FAAH2: variants seen among roughly 807,000 people sequenced by gnomAD.
The protein encoded by FAAH2 is fatty-acid amide hydrolase 2.
A neutral mutation model predicts 36.9 loss-of-function variants in FAAH2; 60 were observed. The observed-to-expected ratio is 1.63, with a 90% confidence interval of 1.32 to 2.02. FAAH2 has a LOEUF of 2.02. Ranked by LOEUF, FAAH2 falls within the 30% of genes most tolerant of loss-of-function variation. FAAH2 has a pLI of 0.00. For missense variants in FAAH2, 689 were observed against 397.5 expected, an observed-to-expected ratio of 1.73 and a Z score of -6.23; for synonymous variants, 214 against 143.8, an observed-to-expected ratio of 1.49 and a Z score of -3.49.
intron 7 of FAAH2, among the ~76,000 whole-genome samples, chrX:57,417,208 C>A (rs1276377469): frequency 8.9e-6 from 1 of 111,754 alleles, no homozygotes; most frequent in East Asian, 2.8e-4. Flanking sequence ...TATTAACCAC[C>A]TTCTGAAGCC....
At chrX:57,239,197 A>T in the FAAH2 span, among the ~76,000 whole-genome samples, 1 of 111,324 alleles carries the variant, frequency 9.0e-6, no homozygotes, top group Non-Finnish European at 1.9e-5. Context: ...TAGAATTCGG[A>T]TGTGAATCCA....
At chrX:57,487,039 G>A (rs1246818320) in intron 10 of FAAH2, among the ~76,000 whole-genome samples, 1 of 111,442 alleles carries the variant, frequency 9.0e-6, no homozygotes, top group African/African-American at 3.3e-5. Flanking sequence ...AGAATTAATA[G>A]TCTTTTCATC....
intron 2 of FAAH2, among the ~76,000 whole-genome samples, chrX:57,293,411 G>A (rs771429633): frequency 2.7e-5 from 3 of 111,914 alleles, no homozygotes; most frequent in African/African-American, 9.7e-5. Context: ...AAATGGATTT[G>A]TATCATAATA....
At chrX:57,391,031 T>C (rs199546325) in intron 7 of FAAH2, among the ~76,000 whole-genome samples, 1 of 111,850 alleles carries the variant, frequency 8.9e-6, no homozygotes, top group Non-Finnish European at 1.9e-5. Context: ...TGGTGTAAGA[T>C]GGTATCTCAT....
chrX:57,485,762 T>C (rs757456862), intron 10 of FAAH2, among the ~76,000 whole-genome samples: 43 of 112,392 alleles, frequency 3.8e-4, no homozygotes, highest in African/African-American at 1.3e-3. Context: ...TAGAGGTTTA[T>C]TAGTTTATTT....
At chrX:57,265,842 T>C in the FAAH2 span, among the ~76,000 whole-genome samples, 8 of 111,791 alleles carry the variant, frequency 7.2e-5, no homozygotes, top group South Asian at 3.1e-3. Flanking sequence ...TATGAAAAAG[T>C]GGCCATACTG....
chrX:57,279,370 C>A, the FAAH2 span, among the ~76,000 whole-genome samples: 1 of 112,183 alleles, frequency 8.9e-6, no homozygotes, highest in Non-Finnish European at 1.9e-5. Context: ...CCAAACACTG[C>A]GTGTTCTCAC....
the FAAH2 span, among the ~76,000 whole-genome samples, chrX:57,147,461 A>C: frequency 9.0e-6 from 1 of 111,468 alleles, no homozygotes; most frequent in Non-Finnish European, 1.9e-5. Flanking sequence ...TTCTGGGTTA[A>C]TGTTGCCAGT....
the FAAH2 span, among the ~76,000 whole-genome samples, chrX:57,181,818 C>A: frequency 8.9e-6 from 1 of 111,980 alleles, no homozygotes; most frequent in Non-Finnish European, 1.9e-5. Context: ...TGCTACCCAA[C>A]TTCAAACTAT....
intron 2 of FAAH2, among the ~76,000 whole-genome samples, chrX:57,300,572 C>A (rs1376226597): frequency 9.0e-6 from 1 of 111,699 alleles, no homozygotes; most frequent in Non-Finnish European, 1.9e-5. Context: ...GTCTAAAACA[C>A]CAAAAGCAAT....
rs145425047 is a variant in FAAH2, at chrX:57,327,377, A to G, written c.413-4221A>G. Among the ~76,000 whole-genome samples, 26 of 110,472 alleles carry G rather than the reference A, an allele frequency of 2.4e-4. No individual in the cohort carries two copies. In the South Asian group the frequency reaches 2.4e-3, roughly 10 times the overall value. On this transcript the variant is annotated intron_variant, in intron 3 of 10. Coordinates refer to ENST00000374900, the MANE Select transcript of FAAH2 (RefSeq NM_174912.4). ...TGTTCTCTGTATTTCCTGGATCTGA[A>G]TGATGGCCTGCCTTGCTAGATTGGG...
At chrX:57,381,252 C>A in intron 7 of FAAH2, among the ~76,000 whole-genome samples, 1 of 111,094 alleles carries the variant, frequency 9.0e-6, no homozygotes. Flanking sequence ...TATGATAAAT[C>A]AAATAAATAA....
Position 57,488,766 on chromosome X carries a change from G to C in FAAH2, c.1433G>C (p.Ser478Thr). 8.3e-7 allele frequency: 1 copy of C among 1,209,946 alleles called. No individual in the cohort carries two copies. Among genetic ancestry groups the C allele is most frequent in the South Asian group, 1.8e-5 (1 of 56,554 alleles). ...TGTTTGTTTTCTTCAGGTGTCTTCAGTGCCCTGGGTTTGCCTGTGACCCAA... is the reference window on the plus strand; with the variant it reads ...TGTTTGTTTTCTTCAGGTGTCTTCACTGCCCTGGGTTTGCCTGTGACCCAA... ...PFNFAYTGVF[S>T]ALGLPVTQCP... The change falls in exon 11 of 11, where the codon AGT becomes ACT. Residue 478 changes from serine (S) to threonine (T), a missense_variant. Ser to Thr is a moderately conservative substitution (Grantham distance 58). Coordinates refer to ENST00000374900, the MANE Select transcript of FAAH2 (RefSeq NM_174912.4).
At chrX:57,255,428 G>A in the FAAH2 span, among the ~76,000 whole-genome samples, 1 of 111,846 alleles carries the variant, frequency 8.9e-6, no homozygotes, top group Non-Finnish European at 1.9e-5. Flanking sequence ...CAGTTTATGA[G>A]GCCAGCATCA....
chrX:57,121,936 G>T, the FAAH2 span: 1 of 110,632 alleles, frequency 9.0e-6, no homozygotes, highest in Non-Finnish European at 1.9e-5. Context: ...TTTTTGAAAG[G>T]ATTTGGAGTT....
chrX:57,364,463 C>G (rs773308042), intron 5 of FAAH2, among the ~76,000 whole-genome samples: 51 of 74,514 alleles, frequency 6.8e-4, no homozygotes, highest in Non-Finnish European at 1.2e-3. Flanking sequence ...TTTTTTTTTG[C>G]TAATAGATCC....
At chrX:57,331,947 G>A in intron 4 of FAAH2, 140 bp downstream of exon 4, 1 of 570,669 alleles carries the variant, frequency 1.8e-6, no homozygotes, top group Non-Finnish European at 2.7e-6. Flanking sequence ...TGTGTTGATG[G>A]AGAAGAAATG....
chrX:57,472,766 C>A (rs959340544), intron 10 of FAAH2, among the ~76,000 whole-genome samples: 1 of 110,600 alleles, frequency 9.0e-6, no homozygotes, highest in Non-Finnish European at 1.9e-5. Context: ...TTGTATGTTT[C>A]CAGGAAACTA....
the FAAH2 span, among the ~76,000 whole-genome samples, chrX:57,180,539 A>T: frequency 9.0e-6 from 1 of 111,528 alleles, no homozygotes; most frequent in Non-Finnish European, 1.9e-5. Flanking sequence ...ATTCCTGGAC[A>T]CATGCAATCT....
Sources: allele counts gnomAD v4.1 joint callset (sites outside exome capture counted in the v4.1 genomes callset), GRCh38; gene constraint gnomAD v4.1.1; transcripts MANE v1.5; gene names NCBI Gene and HGNC (gene_info 2026-07-23, HGNC 2026-07-21).